CAPZA2: variants seen among roughly 807,000 people sequenced by gnomAD.
CAPZA2 encodes the protein F-actin-capping protein subunit alpha-2.
CAPZA2 carries 13 observed loss-of-function variants against 44.0 expected under a neutral mutation model. That is an observed-to-expected ratio of 0.30 (90% CI 0.19 to 0.47). CAPZA2 has a LOEUF of 0.47. Ranked by LOEUF, CAPZA2 falls within the 20% of genes least tolerant of loss-of-function variation. The pLI is 1.00. For missense variants in CAPZA2, 244 were observed against 338.6 expected (o/e 0.72, Z 2.19); for synonymous variants, 94 against 108.2 (o/e 0.87, Z 0.81).
chr7:116,901,228 T>G (rs1034470388), intron 4 of CAPZA2, among the ~76,000 whole-genome samples: 1 of 152,122 alleles, frequency 6.6e-6, no homozygotes, highest in Non-Finnish European at 1.5e-5. Context: ...TACAGCACTA[T>G]TCACAATAGC....
At chr7:116,866,125 T>A (rs1362996165) in intron 1 of CAPZA2, among the ~76,000 whole-genome samples, 1 of 152,186 alleles carries the variant, frequency 6.6e-6, no homozygotes, top group East Asian at 1.9e-4. Context: ...GAAATAAATT[T>A]AGCTGAAGAA....
At chr7:116,876,261 A>G (rs931174913) in intron 1 of CAPZA2, 2 of 152,814 alleles carry the variant, frequency 1.3e-5, no homozygotes, top group Non-Finnish European at 1.5e-5. Context: ...AAAAAAAAAA[A>G]AAAAAAGTTT....
In CAPZA2 at chr7:116,893,902, A is replaced by G. The variant is rs1047402770; in HGVS notation, c.155+857A>G. On this transcript the variant is annotated intron_variant, in intron 3 of 9. Coordinates refer to ENST00000361183, the MANE Select transcript of CAPZA2 (RefSeq NM_006136.3). The stretch of plus-strand genomic sequence containing the variant: ...TCCTGCAATTTCAGAGAAATAATTG[A>G]TTCTCTCCCTACTTCTCCCAAAATA... Among the ~76,000 whole-genome samples, 5 of 152,184 alleles carry G rather than the reference A, an allele frequency of 3.3e-5. No individual in the cohort carries two copies. In the South Asian group the frequency reaches 6.2e-4, roughly 19 times the overall value.
rs1011886318 is a variant in CAPZA2, at chr7:116,865,177, CTT to C, written c.39+2552_39+2553del. 6.6e-3 allele frequency among the ~76,000 whole-genome samples: 580 copies of C among 87,870 alleles called. 1 individual carries two copies. Among genetic ancestry groups the C allele is most frequent in the African/African-American group, 0.022 (490 of 22,788 alleles). The allele number at this position is 87,870 out of a possible 152,430, so 57.6% of individuals were successfully genotyped here. A position where few individuals can be genotyped will look rare whatever the true frequency, so the allele number is the denominator to read the frequency against. Reference sequence around the variant, plus strand: ...TTCTTGTGACATTATGCGCTCTCTTCTTTTTTTTTTTTTTTTTTTTTTTTTTG... The same window carrying C: ...TTCTTGTGACATTATGCGCTCTCTTCTTTTTTTTTTTTTTTTTTTTTTTTG... On this transcript the variant is annotated intron_variant, in intron 1 of 9. Transcript: ENST00000361183.
At chr7:116,862,738 C>T in intron 1 of CAPZA2, 88 bp downstream of exon 1, 1 of 1,394,988 alleles carries the variant, frequency 7.2e-7, no homozygotes, top group Non-Finnish European at 9.7e-7. Flanking sequence ...GGGGGAAGGG[C>T]ATTGGCCCGC....
intron 3 of CAPZA2, among the ~76,000 whole-genome samples, chr7:116,897,799 G>A (rs1023820363): frequency 4.0e-5 from 6 of 151,840 alleles, no homozygotes; most frequent in East Asian, 1.9e-4. Flanking sequence ...GATCCATCTC[G>A]TCACCATTTC....
In CAPZA2 at chr7:116,918,667, A is replaced by AT. The variant is rs891504372; in HGVS notation, c.*810dup. ...TGAACTCATGACCATGTCTCGGTTT[A>AT]TTTTTTTTTTCTTGGATTGAAAAGT... On this transcript the variant is annotated 3_prime_UTR_variant, in exon 10 of 10. Coordinates refer to ENST00000361183, the MANE Select transcript of CAPZA2 (RefSeq NM_006136.3). 21 of 150,360 alleles carry AT rather than the reference A, an allele frequency of 1.4e-4. No homozygotes were observed. The highest frequency in any genetic ancestry group is 4.2e-4 in the South Asian group (2 of 4,734). The allele number at this position is 150,360 out of a possible 1,614,324, so 9.3% of individuals were successfully genotyped here.
chr7:116,905,311 C>A (rs967751860), intron 5 of CAPZA2, among the ~76,000 whole-genome samples: 1 of 152,046 alleles, frequency 6.6e-6, no homozygotes, highest in African/African-American at 2.4e-5. Context: ...AAATGCAAAT[C>A]AGGTCATTAA....
intron 1 of CAPZA2, among the ~76,000 whole-genome samples, chr7:116,874,956 G>T (rs1413460807): frequency 6.6e-6 from 1 of 152,122 alleles, no homozygotes; most frequent in Non-Finnish European, 1.5e-5. Context: ...AGGTATGGTG[G>T]TGCTCACCTG....
intron 1 of CAPZA2, among the ~76,000 whole-genome samples, chr7:116,879,633 G>C (rs1361408961): frequency 6.6e-6 from 1 of 152,128 alleles, no homozygotes; most frequent in Non-Finnish European, 1.5e-5. Flanking sequence ...TGCTGCTGCT[G>C]ATCTGACAGG....
At position 116,921,775 on chromosome 7, in the gene CAPZA2, AT is replaced by A. The variant is rs1406681584; in HGVS notation, c.*3909del. The A allele has an allele frequency of 2.0e-5, 3 of 152,218 alleles. No individual in the cohort carries two copies. The highest frequency in any genetic ancestry group is 4.4e-5 in the Non-Finnish European group (3 of 68,052). 9.4% of individuals were successfully genotyped at this position (152,218 alleles called of 1,614,324 possible). On this transcript the variant is annotated 3_prime_UTR_variant, in exon 10 of 10. Transcript: ENST00000361183. ...TGAGGAGTTACTAGTAATGACAAAT[AT>A]GACCAACGGAGTGACTGGCTGAGGG...
intron 2 of CAPZA2, chr7:116,888,707 G>A (rs1179012192): frequency 1.4e-5 from 2 of 148,006 alleles, no homozygotes; most frequent in Non-Finnish European, 3.0e-5. Context: ...AAAGCCAGGT[G>A]TGGTGGCATG....
At chr7:116,872,419 T>C (rs1217429213) in intron 1 of CAPZA2, among the ~76,000 whole-genome samples, 1 of 152,184 alleles carries the variant, frequency 6.6e-6, no homozygotes, top group African/African-American at 2.4e-5. Flanking sequence ...TTGAGTTCTT[T>C]AGATGACCCA....
chr7:116,892,779 T>A (rs1796865755), intron 2 of CAPZA2, among the ~76,000 whole-genome samples: 1 of 152,148 alleles, frequency 6.6e-6, no homozygotes, highest in Non-Finnish European at 1.5e-5. Flanking sequence ...AACAAGTATG[T>A]ATTTCTATTT....
chr7:116,914,847 GA>G (rs1401531224), intron 8 of CAPZA2, among the ~76,000 whole-genome samples: 8 of 152,252 alleles, frequency 5.3e-5, no homozygotes, highest in African/African-American at 1.7e-4. Flanking sequence ...ATTTGCCAGT[GA>G]AAAAAACTTA....
chr7:116,906,219 A>G (rs769325359), intron 5 of CAPZA2, 44 bp from the exon 6 acceptor site: 11 of 1,591,738 alleles, frequency 6.9e-6, no homozygotes, highest in Middle Eastern at 1.7e-4. Flanking sequence ...TGGACATTCC[A>G]TGGCCCTAAA....
At chr7:116,889,219 A>G (rs989595537) in intron 2 of CAPZA2, among the ~76,000 whole-genome samples, 8 of 152,322 alleles carry the variant, frequency 5.3e-5, no homozygotes, top group Middle Eastern at 3.4e-3. Context: ...TGATCTCTTT[A>G]TAAAACTTCT....
At chr7:116,898,931 T>C (rs1796961285) in intron 4 of CAPZA2, 96 bp downstream of exon 4, 1 of 682,202 alleles carries the variant, frequency 1.5e-6, no homozygotes, top group South Asian at 2.5e-5. Context: ...TAAAAAATTA[T>C]TCATATTTTA....
intron 6 of CAPZA2, among the ~76,000 whole-genome samples, chr7:116,909,529 A>C (rs1791558734): frequency 6.6e-6 from 1 of 152,092 alleles, no homozygotes; most frequent in South Asian, 2.1e-4. Context: ...TCAGGAGCAG[A>C]GAAGGAGGAT....
Sources: allele counts gnomAD v4.1 joint callset (sites outside exome capture counted in the v4.1 genomes callset), GRCh38; gene constraint gnomAD v4.1.1; transcripts MANE v1.5; gene names NCBI Gene and HGNC (gene_info 2026-07-23, HGNC 2026-07-21).